COL25A1: variants seen among roughly 807,000 people sequenced by gnomAD.
COL25A1 encodes collagen alpha-1(XXV) chain.
COL25A1 carries 103 observed loss-of-function variants against 128.4 expected under a neutral mutation model. That is an observed-to-expected ratio of 0.80 (90% CI 0.68 to 0.94). The LOEUF (loss-of-function observed/expected upper bound fraction) is 0.94. COL25A1 is among the 40% of genes least tolerant of loss of function. The pLI is 0.00. For missense variants in COL25A1, 745 were observed against 840.0 expected, an observed-to-expected ratio of 0.89 and a Z score of 1.40; for synonymous variants, 279 against 277.2, an observed-to-expected ratio of 1.01 and a Z score of -0.06.
At chr4:109,058,230 TA>T (rs1761624019) in intron 3 of COL25A1, among the ~76,000 whole-genome samples, 2 of 152,226 alleles carry the variant, frequency 1.3e-5, no homozygotes, top group Non-Finnish European at 2.9e-5. Context: ...ATTATGGTAC[TA>T]GAATGTTTTA....
At chr4:109,093,858 G>A (rs1045713701) in intron 3 of COL25A1, among the ~76,000 whole-genome samples, 5 of 151,880 alleles carry the variant, frequency 3.3e-5, no homozygotes, top group Admixed American at 6.6e-5. Context: ...ATCATCAAAA[G>A]CCTTTTCCTT....
chr4:109,211,334 CAAT>C (rs1777542503), intron 3 of COL25A1, among the ~76,000 whole-genome samples: 1 of 93,940 alleles, frequency 1.1e-5, no homozygotes, highest in African/African-American at 3.2e-5. Flanking sequence ...ATATATGAAA[CAAT>C]TAAAAATACA....
At chr4:109,211,591 T>C (rs932537899) in intron 3 of COL25A1, among the ~76,000 whole-genome samples, 2 of 151,422 alleles carry the variant, frequency 1.3e-5, no homozygotes, top group African/African-American at 4.8e-5. Flanking sequence ...TCTATGAACC[T>C]GGAAGATATT....
intron 20 of COL25A1, among the ~76,000 whole-genome samples, chr4:108,864,794 C>T (rs1337121482): frequency 1.3e-5 from 2 of 152,278 alleles, no homozygotes; most frequent in African/African-American, 2.4e-5. Flanking sequence ...CTGCACAAAA[C>T]ACTTTACATG....
intron 3 of COL25A1, among the ~76,000 whole-genome samples, chr4:109,223,394 C>T (rs1406350917): frequency 6.6e-6 from 1 of 151,760 alleles, no homozygotes; most frequent in Admixed American, 6.6e-5. Context: ...TTATATTCCA[C>T]ATTTCCCCCC....
intron 33 of COL25A1, among the ~76,000 whole-genome samples, chr4:108,825,872 A>T (rs921796051): frequency 9.9e-5 from 15 of 152,164 alleles, no homozygotes; most frequent in Admixed American, 2.6e-4. Context: ...AATTTTTTTT[A>T]AAAGTTGTAA....
Position 108,827,273 on chromosome 4 carries a change from A to G in COL25A1, c.1711-85T>C, listed in dbSNP as rs1293451226. ...CTCATGCCCTATGTCTAAAGCCTCT[A>G]TTTCAAGGACCATTCTATGAAAATC... On this transcript the variant is annotated intron_variant, in intron 32 of 37. Transcript: ENST00000399132. The G allele has an allele frequency of 2.1e-5, 24 of 1,137,034 alleles. 1 individual carries two copies. The South Asian group carries it at 2.9e-4, about 14-fold the overall frequency. 70.4% of individuals were successfully genotyped at this position (1,137,034 alleles called of 1,614,324 possible).
chr4:109,217,636 A>G (rs7692026), intron 3 of COL25A1, among the ~76,000 whole-genome samples: 13,124 of 152,154 alleles, frequency 0.086, 1,180 homozygotes, highest in African/African-American at 0.23. Flanking sequence ...AGTAAGTGTG[A>G]GGGATTGGTT....
intron 3 of COL25A1, among the ~76,000 whole-genome samples, chr4:109,260,682 G>A (rs1168893232): frequency 6.6e-6 from 1 of 152,104 alleles, no homozygotes; most frequent in Non-Finnish European, 1.5e-5. Context: ...TTTTAGTAGA[G>A]ACGGGGTTTC....
At chr4:108,967,539 T>G (rs1470664387) in intron 8 of COL25A1, among the ~76,000 whole-genome samples, 1 of 152,150 alleles carries the variant, frequency 6.6e-6, no homozygotes, top group Non-Finnish European at 1.5e-5. Flanking sequence ...ATATACTACT[T>G]TATTAATCCT....
intron 6 of COL25A1, among the ~76,000 whole-genome samples, chr4:108,987,325 A>G (rs1468997850): frequency 6.6e-6 from 1 of 151,828 alleles, no homozygotes; most frequent in Non-Finnish European, 1.5e-5. Flanking sequence ...AATAAACATT[A>G]TCAATTGTCA....
intron 3 of COL25A1, among the ~76,000 whole-genome samples, chr4:109,261,727 T>C (rs568754997): frequency 6.6e-5 from 10 of 151,380 alleles, no homozygotes; most frequent in Non-Finnish European, 1.2e-4. Flanking sequence ...AGACAGAGTC[T>C]CGCTCTGTCA....
intron 3 of COL25A1, among the ~76,000 whole-genome samples, chr4:109,153,245 C>A (rs780275161): frequency 6.6e-6 from 1 of 151,652 alleles, no homozygotes; most frequent in East Asian, 1.9e-4. Flanking sequence ...ATTAGCTGGG[C>A]GTGGTAGCTC....
intron 3 of COL25A1, among the ~76,000 whole-genome samples, chr4:109,079,375 T>A (rs1002709433): frequency 6.6e-6 from 1 of 152,178 alleles, no homozygotes; most frequent in Non-Finnish European, 1.5e-5. Context: ...TAACTGAAAA[T>A]TTTTTATAGC....
At chr4:109,060,446 G>T (rs919771141) in intron 3 of COL25A1, among the ~76,000 whole-genome samples, 2 of 152,058 alleles carry the variant, frequency 1.3e-5, no homozygotes, top group Admixed American at 6.6e-5. Flanking sequence ...ATCACATAGC[G>T]TAATGATAAT....
At chr4:109,005,795 C>T (rs1347807731) in intron 6 of COL25A1, among the ~76,000 whole-genome samples, 3 of 152,102 alleles carry the variant, frequency 2.0e-5, no homozygotes, top group Non-Finnish European at 4.4e-5. Context: ...CAAAAGAAGA[C>T]AGGGAGTGAA....
At chr4:108,895,078 A>G (rs763324036) in intron 16 of COL25A1, among the ~76,000 whole-genome samples, 3 of 152,166 alleles carry the variant, frequency 2.0e-5, no homozygotes, top group Non-Finnish European at 4.4e-5. Flanking sequence ...AGGTTGAGAA[A>G]CACAGATCTA....
In COL25A1 at chr4:109,086,159, A is replaced by G. The variant is rs938946207; in HGVS notation, c.368-35980T>C. On this transcript the variant is annotated intron_variant, in intron 3 of 37. Coordinates refer to ENST00000399132, the MANE Select transcript of COL25A1 (RefSeq NM_198721.4). ...TTCCTGCTGTTCTTTATTTACTTAAAAATGAGTGTCACCTATCAGAGTCAT... is the reference window on the plus strand; with the variant it reads ...TTCCTGCTGTTCTTTATTTACTTAAGAATGAGTGTCACCTATCAGAGTCAT... 5.8e-4 allele frequency among the ~76,000 whole-genome samples: 89 copies of G among 152,242 alleles called. 3 individuals are homozygous for G. Among genetic ancestry groups the G allele is most frequent in the Non-Finnish European group, 1.8e-4 (12 of 68,046 alleles).
Position 109,032,954 on chromosome 4 carries a change from A to G in COL25A1, c.420+15214T>C, listed in dbSNP as rs568750819. Reference sequence around the variant, plus strand: ...ACTAGCCATCCCTGAAATTGTATAAATGAAAGGAAGTAGGCCAAGGTAGAC... The same window carrying G: ...ACTAGCCATCCCTGAAATTGTATAAGTGAAAGGAAGTAGGCCAAGGTAGAC... On this transcript the variant is annotated intron_variant, in intron 5 of 37. Coordinates refer to ENST00000399132, the MANE Select transcript of COL25A1 (RefSeq NM_198721.4). 3.3e-5 allele frequency among the ~76,000 whole-genome samples: 5 copies of G among 152,354 alleles called. No individual in the cohort carries two copies. The South Asian group carries it at 1.0e-3, about 32-fold the overall frequency.
Sources: allele counts gnomAD v4.1 joint callset (sites outside exome capture counted in the v4.1 genomes callset), GRCh38; gene constraint gnomAD v4.1.1; transcripts MANE v1.5; gene names NCBI Gene and HGNC (gene_info 2026-07-23, HGNC 2026-07-21).